MYO19: variants seen among roughly 807,000 people sequenced by gnomAD.
MYO19 encodes unconventional myosin-XIX.
A neutral mutation model predicts 129.2 loss-of-function variants in MYO19; 132 were observed. The observed-to-expected ratio is 1.02, with a 90% CI of 0.89 to 1.18. MYO19 has a LOEUF of 1.18. MYO19 is among the 50% of genes most tolerant of loss of function. The pLI is 0.00. For missense variants in MYO19, 1,210 were observed against 1,216.7 expected (o/e 0.99, Z 0.08); for synonymous variants, 531 against 477.2 (o/e 1.11, Z -1.47).
upstream of MYO19, among the ~76,000 whole-genome samples, chr17:36,536,848 C>T (rs929585351): frequency 6.6e-6 from 1 of 152,186 alleles, no homozygotes; most frequent in African/African-American, 2.4e-5. Context: ...CTGTCTTGTA[C>T]AGGGAATAGC....
intron 5 of MYO19, among the ~76,000 whole-genome samples, chr17:36,527,080 T>A (rs2073513603): frequency 6.6e-6 from 1 of 151,984 alleles, no homozygotes; most frequent in African/African-American, 2.4e-5. Context: ...GCAGGAGAAT[T>A]GCTTGAACTC....
upstream of MYO19, chr17:36,538,325 A>G (rs778832621): frequency 1.2e-6 from 2 of 1,614,038 alleles, no homozygotes; most frequent in South Asian, 1.1e-5. Flanking sequence ...CTCTAGTACC[A>G]TGTTCTTGGA....
At chr17:36,528,267 G>A in intron 3 of MYO19, 65 bp from the exon 4 acceptor site, 1 of 1,501,714 alleles carries the variant, frequency 6.7e-7, no homozygotes. Flanking sequence ...CCAGCACTCT[G>A]GGAGGCCAAG....
chr17:36,537,646 G>T (rs1243001095), upstream of MYO19: 2 of 1,614,132 alleles, frequency 1.2e-6, no homozygotes, highest in Non-Finnish European at 1.7e-6. Flanking sequence ...GCAATGGTTT[G>T]TCTAGAGGTC....
At chr17:36,528,352 A>T (rs894082507) in intron 3 of MYO19, 150 bp from the exon 4 acceptor site, 11 of 815,730 alleles carry the variant, frequency 1.3e-5, no homozygotes, top group Non-Finnish European at 2.0e-5. Context: ...ACTAAAAAAA[A>T]TTCAAAAAAT....
upstream of MYO19, chr17:36,537,877 A>G (rs768798408): frequency 3.1e-6 from 5 of 1,613,986 alleles, no homozygotes; most frequent in African/African-American, 4.0e-5. Context: ...TTTCCCCTAA[A>G]TAAGTCCTGG....
intron 6 of MYO19, among the ~76,000 whole-genome samples, chr17:36,519,639 C>CA (rs11431632): frequency 0.46 from 61,386 of 133,302 alleles, 13,067 homozygotes; most frequent in Non-Finnish European, 0.53. Context: ...TCTAAAGAGA[C>CA]AAAAAAAAAA....
Position 36,505,318 on chromosome 17 carries a change from C to A in MYO19, c.1884G>T (p.Ala628=). Residue 628 remains alanine (A), a synonymous_variant, in exon 19 of 26, where the codon GCG becomes GCT. Transcript: ENST00000614623. ...TTACCTCCTCTTGGAGAAAGGTCTG[C>A]GCCTGGCCCTGGCTGTTGGGCTTGA... The part of the protein sequence containing the change: ...RCIKPNSQGQ[A]QTFLQEEVLS... 5.0e-6 allele frequency: 8 copies of A among 1,614,178 alleles called. No individual in the cohort carries two copies. The highest frequency in any genetic ancestry group is 6.8e-6 in the Non-Finnish European group (8 of 1,180,004).
intron 6 of MYO19, among the ~76,000 whole-genome samples, chr17:36,516,589 C>A (rs998001006): frequency 1.3e-5 from 2 of 152,178 alleles, no homozygotes; most frequent in African/African-American, 4.8e-5. Flanking sequence ...TGAGTCTGGT[C>A]TTGAGCTCCT....
chr17:36,505,424 G>A lies in MYO19; in HGVS notation c.1798-20C>T. ...TGAGGCCTGCAGATGAGAGACCATG[G>A]GGTTAGGCAGGGAGAGGGGCTGCCC... On this transcript the variant is annotated intron_variant, in intron 18 of 25. Transcript: ENST00000614623. 2 of 1,601,750 alleles carry A rather than the reference G, an allele frequency of 1.2e-6. No homozygotes were observed. Among genetic ancestry groups the A allele is most frequent in the Non-Finnish European group, 1.7e-6 (2 of 1,169,662 alleles).
chr17:36,518,107 G>T (rs2072879398), intron 6 of MYO19, among the ~76,000 whole-genome samples: 1 of 149,822 alleles, frequency 6.7e-6, no homozygotes, highest in South Asian at 2.1e-4. Context: ...AAAAAAAGAG[G>T]TAATGAAGAT....
Position 36,511,292 on chromosome 17 carries a change from C to A in MYO19, c.985+73G>T, listed in dbSNP as rs548621691. On this transcript the variant is annotated intron_variant, in intron 12 of 25. Transcript: ENST00000614623. ...TCAGATTCCAATTTTCACCATCCAG[C>A]CTTCCACCCAACCCCAGCAATGCTG... The A allele has an allele frequency of 2.2e-5, 32 of 1,485,070 alleles. No homozygotes were observed. The Admixed American group carries it at 4.1e-4, about 19-fold the overall frequency. 92.0% of individuals were successfully genotyped at this position (1,485,070 alleles called of 1,614,324 possible).
At chr17:36,537,339 C>T (rs1272364281), upstream of MYO19, 1 of 1,613,912 alleles carries the variant, frequency 6.2e-7, no homozygotes, top group Middle Eastern at 1.6e-4. Context: ...TTCATTTATC[C>T]TCCTTGAGCT....
chr17:36,515,137 T>G lies in MYO19; in HGVS notation c.593A>C (p.Lys198Thr). 1 of 1,611,802 alleles carries G rather than the reference T, an allele frequency of 6.2e-7. No individual in the cohort carries two copies. Among genetic ancestry groups the G allele is most frequent in the Non-Finnish European group, 8.5e-7 (1 of 1,179,000 alleles). Residue 198 changes from lysine (K) to threonine (T), a missense_variant, in exon 8 of 26, where the codon AAG (lysine) becomes ACG (threonine). Coordinates refer to ENST00000614623, the MANE Select transcript of MYO19 (RefSeq NM_001163735.2). ...CCTGTTCAGCTGGAGCTGGATGAAC[T>G]TCCCAAAGCGACTGCTGTTGTTATT... ...LRNNNSSRFG[K>T]FIQLQLNRAQ...
intron 17 of MYO19, 67 bp downstream of exon 17, chr17:36,506,896 T>C: frequency 1.4e-6 from 2 of 1,448,306 alleles, no homozygotes; most frequent in Non-Finnish European, 1.8e-6. Context: ...GAAACTACTA[T>C]GTCTGCATAG....
At chr17:36,532,381 C>A in intron 3 of MYO19, 146 bp downstream of exon 3, 1 of 943,764 alleles carries the variant, frequency 1.1e-6, no homozygotes, top group Non-Finnish European at 1.6e-6. Context: ...GGAAGAGTTT[C>A]TTGATGATGA....
Position 36,507,811 on chromosome 17 carries a change from C to T in MYO19, c.1345G>A (p.Ala449Thr). 6.2e-7 allele frequency: 1 copy of T among 1,611,192 alleles called. No individual in the cohort carries two copies. The highest frequency in any genetic ancestry group is 8.5e-7 in the Non-Finnish European group (1 of 1,178,288). Reference sequence around the variant, plus strand: ...CTCACCCCATCCCTCACCTGCTGGGCCCTTAGGTAGTGAGCCACAAAATGC... The same window carrying T: ...CTCACCCCATCCCTCACCTGCTGGGTCCTTAGGTAGTGAGCCACAAAATGC... Reference protein sequence around the residue: ...QQHFVAHYLRAQQEEYAVEGL... With the variant: ...QQHFVAHYLRTQQEEYAVEGL... The change falls in exon 15 of 26, where the codon GCC (alanine) becomes ACC (threonine). Residue 449 changes from alanine to threonine, a missense_variant. Transcript: ENST00000614623.
chr17:36,500,774 A>G, intron 23 of MYO19, 56 bp downstream of exon 23: 1 of 1,560,684 alleles, frequency 6.4e-7, no homozygotes, highest in South Asian at 1.1e-5. Flanking sequence ...GTTTCAAAGG[A>G]AACCAACATC....
At position 36,541,141 on chromosome 17, in the gene MYO19, G is replaced by T. The variant is rs897731120; in HGVS notation, n.395+940C>A. ...TTTTTGTATTTTTATTAGAGACGGG[G>T]TTTCACCGTTAGCCAAGATGGTCTG... On this transcript the variant is annotated intron_variant and non_coding_transcript_variant, in intron 2 of 2. Transcript: ENST00000610496. Among the ~76,000 whole-genome samples the T allele has an allele frequency of 4.6e-5, 7 of 151,996 alleles. No homozygotes were observed. The East Asian group carries it at 1.4e-3, about 29-fold the overall frequency.
Sources: allele counts gnomAD v4.1 joint callset (sites outside exome capture counted in the v4.1 genomes callset), GRCh38; gene constraint gnomAD v4.1.1; transcripts MANE v1.5; gene names NCBI Gene and HGNC (gene_info 2026-07-23, HGNC 2026-07-21).